Variants in MDM2 observed in about 807,000 individuals in gnomAD.
The protein encoded by MDM2 is MDM2 proto-oncogene, also known as E3 ubiquitin-protein ligase Mdm2.
Under a neutral mutation model 64.3 loss-of-function variants are expected in MDM2, and 11 were observed. The observed-to-expected ratio is 0.17, with a 90% CI of 0.11 to 0.28. The LOEUF (loss-of-function observed/expected upper bound fraction) is 0.28, where lower values mean the gene tolerates loss of function less well. Ranked by LOEUF, MDM2 falls within the 10% of genes least tolerant of loss-of-function variation. The probability of loss-of-function intolerance (pLI) is 1.00; values close to 1 mark genes in which losing one functional copy is unlikely to be tolerated. For missense variants in MDM2, 388 were observed against 577.1 expected, an observed-to-expected ratio of 0.67 and a Z score of 3.36; for synonymous variants, 194 against 192.9, an observed-to-expected ratio of 1.01 and a Z score of -0.05.
chr12:68,816,868 A>G lies in MDM2; in HGVS notation c.231A>G (p.Gln77=), dbSNP rs1565734836. 1 of 1,611,974 alleles carries G rather than the reference A, an allele frequency of 6.2e-7. No individual in the cohort carries two copies. Among genetic ancestry groups the G allele is most frequent in the South Asian group, 1.1e-5 (1 of 90,360 alleles). Residue 77 remains glutamine (Q), a synonymous_variant, in exon 4 of 11, where the codon CAA becomes CAG. Coordinates refer to ENST00000258149, the MANE Select transcript of MDM2 (RefSeq NM_002392.6). ...IMTKRLYDEK[Q]QHIVYCSNDL... ...CTAAACGATTATATGATGAGAAGCA[A>G]CAACATATTGTATATTGTTCAAATG...
At chr12:68,824,958 C>T (rs1225566766) in intron 7 of MDM2, among the ~76,000 whole-genome samples, 2 of 152,180 alleles carry the variant, frequency 1.3e-5, no homozygotes, top group African/African-American at 2.4e-5. Flanking sequence ...CCTGTAATCC[C>T]GGCACTTTGG....
chr12:68,821,192 C>T (rs1881817343), intron 5 of MDM2, among the ~76,000 whole-genome samples: 1 of 151,810 alleles, frequency 6.6e-6, no homozygotes, highest in African/African-American at 2.4e-5. Context: ...GGACTACAGG[C>T]GTATGCCACC....
At chr12:68,833,289 A>ATAATTATATAAT (rs1883011044) in intron 8 of MDM2, among the ~76,000 whole-genome samples, 1 of 111,016 alleles carries the variant, frequency 9.0e-6, no homozygotes, top group African/African-American at 3.5e-5. Context: ...AAATATAAAT[A>ATAATTATATAAT]TATATATTTA....
chr12:68,816,739 A>G (rs951314824), intron 3 of MDM2, 73 bp from the exon 4 acceptor site: 2 of 1,276,540 alleles, frequency 1.6e-6, no homozygotes, highest in African/African-American at 1.5e-5. Context: ...TCAGATAAAT[A>G]GGATATTATT....
At chr12:68,815,043 G>A (rs929810537) in intron 3 of MDM2, among the ~76,000 whole-genome samples, 1 of 152,116 alleles carries the variant, frequency 6.6e-6, no homozygotes, top group Admixed American at 6.6e-5. Flanking sequence ...ACAGCAATCT[G>A]TCCAATCCAC....
rs1002623050 is a variant in MDM2 at position 68,835,710 on chromosome 12, C to T, written c.685-119C>T. 37 of 913,718 alleles carry T rather than the reference C, an allele frequency of 4.0e-5. No individual in the cohort carries two copies. In the African/African-American group the frequency reaches 5.9e-4, roughly 15 times the overall value. The allele number at this position is 913,718 out of a possible 1,614,324, so 56.6% of individuals were successfully genotyped here. ...GGAAGTCCCGGATCAGAGCAGCAGG[C>T]CCATCCCCCAACTGTTACACCCTGC... On this transcript the variant is annotated intron_variant, in intron 8 of 10. Coordinates refer to ENST00000258149, the MANE Select transcript of MDM2 (RefSeq NM_002392.6).
chr12:68,831,565 C>T (rs992033658), intron 8 of MDM2, among the ~76,000 whole-genome samples: 35 of 152,252 alleles, frequency 2.3e-4, no homozygotes, highest in African/African-American at 8.2e-4. Flanking sequence ...GACCCTCTTG[C>T]ATTTGCATCT....
intron 9 of MDM2, among the ~76,000 whole-genome samples, chr12:68,836,308 ATACAGT>A (rs1046128671): frequency 1.3e-5 from 2 of 152,218 alleles, no homozygotes; most frequent in Non-Finnish European, 2.9e-5. Context: ...TAAAACATGC[ATACAGT>A]TAAAGTCAAG....
intron 7 of MDM2, among the ~76,000 whole-genome samples, chr12:68,827,232 A>C (rs929173313): frequency 1.3e-5 from 2 of 152,114 alleles, no homozygotes; most frequent in Admixed American, 6.6e-5. Context: ...TCTCATTTTA[A>C]TTTTTGTCAT....
intron 8 of MDM2, among the ~76,000 whole-genome samples, chr12:68,831,550 G>A (rs1455527968): frequency 6.6e-6 from 1 of 152,182 alleles, no homozygotes; most frequent in Non-Finnish European, 1.5e-5. Flanking sequence ...TCGCCATGTT[G>A]GGTGGACCCT....
Position 68,842,966 on chromosome 12 carries a change from TA to T in MDM2, c.*3119del, listed in dbSNP as rs1314611387. Reference sequence around the variant, plus strand: ...TTTGCCTGAAATAACTGACACTATATAATTTCTGCTTTGGCAAATACTAAGT... The same window carrying T: ...TTTGCCTGAAATAACTGACACTATATATTTCTGCTTTGGCAAATACTAAGT... On this transcript the variant is annotated 3_prime_UTR_variant, in exon 11 of 11. Coordinates refer to ENST00000258149, the MANE Select transcript of MDM2 (RefSeq NM_002392.6). 4.7e-6 allele frequency: 1 copy of T among 210,672 alleles called. No individual in the cohort carries two copies. Among genetic ancestry groups the T allele is most frequent in the African/African-American group, 2.3e-5 (1 of 44,048 alleles). 13.1% of individuals were successfully genotyped at this position (210,672 alleles called of 1,614,324 possible). A position where few individuals can be genotyped will look rare whatever the true frequency, so the allele number is the denominator to read the frequency against.
Position 68,839,928 on chromosome 12 carries a change from A to G in MDM2, c.*79A>G, listed in dbSNP as rs1270293515. 7.7e-7 allele frequency: 1 copy of G among 1,297,576 alleles called. No individual in the cohort carries two copies. The highest frequency in any genetic ancestry group is 1.5e-5 in the African/African-American group (1 of 66,660). The allele number at this position is 1,297,576 out of a possible 1,614,324, so 80.4% of individuals were successfully genotyped here. A position where few individuals can be genotyped will look rare whatever the true frequency, so the allele number is the denominator to read the frequency against. On this transcript the variant is annotated 3_prime_UTR_variant, in exon 11 of 11. Transcript: ENST00000258149. ...TAGACAACCTGAAATTTATTCACAT[A>G]TATCAAAGTGAGAAAATGCCTCAAT... is the stretch of plus-strand genomic sequence containing the variant.
intron 8 of MDM2, among the ~76,000 whole-genome samples, chr12:68,830,735 C>T (rs1209973366): frequency 6.6e-6 from 1 of 152,172 alleles, no homozygotes. Flanking sequence ...TTGAGTCTCT[C>T]TGTCTCCCAG....
chr12:68,828,748 A>G, intron 7 of MDM2, 23 bp from the exon 8 acceptor site: 1 of 1,610,048 alleles, frequency 6.2e-7, no homozygotes. Flanking sequence ...ACAGCAATTT[A>G]TTTTTTTTCC....
At chr12:68,832,298 G>A (rs1882857895) in intron 8 of MDM2, among the ~76,000 whole-genome samples, 1 of 152,086 alleles carries the variant, frequency 6.6e-6, no homozygotes, top group African/African-American at 2.4e-5. Context: ...AACTAAGACT[G>A]TGTTCTAGAC....
chr12:68,847,305 A>C (rs1051049909), downstream of MDM2: 5 of 146,436 alleles, frequency 3.4e-5, no homozygotes, highest in African/African-American at 5.1e-5. Flanking sequence ...TGACCTCTCA[A>C]AATGCTGGGA....
chr12:68,836,782 A>T (rs760576245), intron 10 of MDM2, 33 bp downstream of exon 10: 1 of 1,413,530 alleles, frequency 7.1e-7, no homozygotes, highest in East Asian at 2.3e-5. Flanking sequence ...AAGAAATAAA[A>T]ATTTCATTAA....
chr12:68,829,761 A>G (rs938450376), intron 8 of MDM2, among the ~76,000 whole-genome samples: 20 of 125,614 alleles, frequency 1.6e-4, no homozygotes, highest in Non-Finnish European at 2.6e-4. Flanking sequence ...GCGAGACTCC[A>G]TCTCAAAAAA....
At chr12:68,814,554 A>ATT (rs745722534) in intron 3 of MDM2, 16 of 339,764 alleles carry the variant, frequency 4.7e-5, no homozygotes, top group East Asian at 8.3e-5. Context: ...TAAGAATAGA[A>ATT]TTTTTTTTTT....
Sources: allele counts gnomAD v4.1 joint callset (sites outside exome capture counted in the v4.1 genomes callset), GRCh38; gene constraint gnomAD v4.1.1; transcripts MANE v1.5; gene names NCBI Gene and HGNC (gene_info 2026-07-23, HGNC 2026-07-21).